Variants in PTPN14 observed in about 807,000 individuals in gnomAD.
PTPN14 encodes protein tyrosine phosphatase non-receptor type 14.
In PTPN14, 53 loss-of-function variants were observed where a neutral mutation model predicts 126.8. That is an observed-to-expected ratio of 0.42 (90% CI 0.34 to 0.53). The LOEUF is 0.53. Among genes scored for constraint, PTPN14 ranks in the 20% least tolerant of loss-of-function variants. PTPN14 has a pLI of 0.08. For synonymous variants in PTPN14, 630 were observed against 599.3 expected, an observed-to-expected ratio of 1.05 and a Z score of -0.75; for missense variants, 1,257 against 1,552.9, an observed-to-expected ratio of 0.81 and a Z score of 3.20.
chr1:214,415,764 A>G (rs954686308), intron 3 of PTPN14, among the ~76,000 whole-genome samples: 1 of 152,188 alleles, frequency 6.6e-6, no homozygotes, highest in African/African-American at 2.4e-5. Flanking sequence ...ATGCTCCAGT[A>G]GAGTCCTTCT....
At chr1:214,447,685 A>G (rs1420331391) in intron 3 of PTPN14, among the ~76,000 whole-genome samples, 1 of 152,178 alleles carries the variant, frequency 6.6e-6, no homozygotes, top group Non-Finnish European at 1.5e-5. Flanking sequence ...AAATTTCTGC[A>G]ATGCTGCAAA....
intron 1 of PTPN14, among the ~76,000 whole-genome samples, chr1:214,519,847 C>G (rs1033884788): frequency 2.0e-5 from 3 of 151,624 alleles, no homozygotes; most frequent in African/African-American, 7.3e-5. Context: ...CCCAGGAGTT[C>G]AAAACCACCT....
chr1:214,473,766 T>C (rs1660810657), intron 1 of PTPN14, among the ~76,000 whole-genome samples: 9 of 152,216 alleles, frequency 5.9e-5, no homozygotes, highest in Admixed American at 5.2e-4. Context: ...ACTAAAAATG[T>C]CTACTCTTAT....
At chr1:214,371,368 C>T (rs3002308) in intron 16 of PTPN14, among the ~76,000 whole-genome samples, 122,837 of 152,210 alleles carry the variant, frequency 0.81, 50,157 homozygotes, top group African/African-American at 0.93. Context: ...GGTTGCACAT[C>T]GTGAAGCCAC....
chr1:214,427,142 G>A (rs1356176159), intron 3 of PTPN14, among the ~76,000 whole-genome samples: 2 of 151,908 alleles, frequency 1.3e-5, no homozygotes, highest in African/African-American at 4.8e-5. Context: ...AGCCAGGCAT[G>A]GTGTGCATGC....
intron 11 of PTPN14, among the ~76,000 whole-genome samples, chr1:214,389,943 T>A (rs1043467058): frequency 6.6e-6 from 1 of 152,178 alleles, no homozygotes; most frequent in Non-Finnish European, 1.5e-5. Flanking sequence ...CTGAGAGAAA[T>A]AATATTCACA....
chr1:214,368,800 T>G (rs1016310419), intron 17 of PTPN14, among the ~76,000 whole-genome samples: 3 of 152,070 alleles, frequency 2.0e-5, no homozygotes, highest in Non-Finnish European at 2.9e-5. Flanking sequence ...CTGGCGAACA[T>G]GGTGAAACCT....
Position 214,348,708 on chromosome 1 carries a change from G to GA in PTPN14, c.*9213dup, listed in dbSNP as rs986856978. On this transcript the variant is annotated 3_prime_UTR_variant, in exon 19 of 19. Transcript: ENST00000366956. The stretch of plus-strand genomic sequence containing the variant: ...AAAAGAGAAGATGTAACTTTTCTCT[G>GA]AAAAAAAGGTTTATTGCATATGGAA... 1.1e-4 allele frequency: 17 copies of GA among 151,882 alleles called. No homozygotes were observed. The highest frequency in any genetic ancestry group is 3.4e-4 in the African/African-American group (14 of 41,462). 9.4% of individuals were successfully genotyped at this position (151,882 alleles called of 1,614,324 possible).
chr1:214,378,075 G>A lies in PTPN14; in HGVS notation c.2572C>T (p.Leu858=), dbSNP rs1446897621. ...RNLEKQKMAG[L]EAQKRPLMLA... ...ATCAGCGGCCTCTTCTGTGCCTCCA[G>A]GCCTGCCATCTTCTGCTTCTCTAGA... The change falls in exon 14 of 19, where the codon CTG becomes TTG. Residue 858 remains leucine, a synonymous_variant. Coordinates refer to ENST00000366956, the MANE Select transcript of PTPN14 (RefSeq NM_005401.5). The A allele has an allele frequency of 2.5e-6, 4 of 1,610,752 alleles. No individual in the cohort carries two copies. The highest frequency in any genetic ancestry group is 1.1e-5 in the South Asian group (1 of 91,014).
intron 3 of PTPN14, among the ~76,000 whole-genome samples, chr1:214,440,038 G>A (rs1572001463): frequency 6.6e-6 from 1 of 152,130 alleles, no homozygotes; most frequent in African/African-American, 2.4e-5. Context: ...TAAGGGGAGG[G>A]GAGGGGAGGA....
intron 5 of PTPN14, among the ~76,000 whole-genome samples, chr1:214,411,098 T>C (rs1659298740): frequency 6.6e-6 from 1 of 152,232 alleles, no homozygotes; most frequent in African/African-American, 2.4e-5. Context: ...TTTCCATTTG[T>C]GTCATCTTAA....
intron 1 of PTPN14, chr1:214,533,101 G>C: frequency 1.4e-6 from 1 of 732,110 alleles, no homozygotes; most frequent in Admixed American, 1.9e-5. Context: ...CTTGGAGATC[G>C]ACCTGGACTC....
intron 9 of PTPN14, 113 bp from the exon 10 acceptor site, chr1:214,393,890 C>T: frequency 1.2e-6 from 1 of 812,190 alleles, no homozygotes; most frequent in Non-Finnish European, 2.0e-6. Flanking sequence ...ATCTCAAGCA[C>T]AAAATAATAC....
At chr1:214,419,728 T>C (rs1659501817) in intron 3 of PTPN14, among the ~76,000 whole-genome samples, 1 of 152,132 alleles carries the variant, frequency 6.6e-6, no homozygotes, top group Non-Finnish European at 1.5e-5. Flanking sequence ...CCTAGAGTCC[T>C]GGGGTACAGG....
chr1:214,434,128 T>C (rs1212619738), intron 3 of PTPN14, among the ~76,000 whole-genome samples: 2 of 151,904 alleles, frequency 1.3e-5, no homozygotes, highest in African/African-American at 4.8e-5. Flanking sequence ...TAAGACCCTG[T>C]CTCAAGAAAA....
chr1:214,549,529 C>T (rs1280846059), intron 1 of PTPN14, among the ~76,000 whole-genome samples: 1 of 152,206 alleles, frequency 6.6e-6, no homozygotes, highest in African/African-American at 2.4e-5. Flanking sequence ...ATTCAGCTCC[C>T]GCTCATTAAG....
rs766563310 is a variant in PTPN14, at chr1:214,376,364, G to A, written c.2762C>T (p.Ala921Val). 5.0e-6 allele frequency: 8 copies of A among 1,614,046 alleles called. No individual in the cohort carries two copies. In the East Asian group the frequency reaches 6.7e-5, roughly 13 times the overall value. Residue 921 changes from alanine (A) to valine (V), a missense_variant, in exon 15 of 19, where the codon GCG (alanine) becomes GTG (valine). Physicochemically the swap from Ala to Val is moderately conservative, Grantham distance 64. Coordinates refer to ENST00000366956, the MANE Select transcript of PTPN14 (RefSeq NM_005401.5). ...AGCTGCTGTGCTGAAAATGCCATTC[G>A]CCTTTTTCTTTGGAATTTGCTCATA... ...TEYEQIPKKK[A>V]NGIFSTAALP...
At chr1:214,504,442 C>T (rs1034554908) in intron 1 of PTPN14, among the ~76,000 whole-genome samples, 1 of 152,188 alleles carries the variant, frequency 6.6e-6, no homozygotes, top group African/African-American at 2.4e-5. Flanking sequence ...CTGTGCTCTT[C>T]CTGTCGCACC....
intron 1 of PTPN14, among the ~76,000 whole-genome samples, chr1:214,476,152 G>A (rs953315124): frequency 2.0e-5 from 3 of 152,168 alleles, no homozygotes; most frequent in South Asian, 2.1e-4. Flanking sequence ...CCCAGCCATA[G>A]CACCCTGCCA....
Sources: allele counts gnomAD v4.1 joint callset (sites outside exome capture counted in the v4.1 genomes callset), GRCh38; gene constraint gnomAD v4.1.1; transcripts MANE v1.5; gene names NCBI Gene and HGNC (gene_info 2026-07-23, HGNC 2026-07-21).